Variants in GNAI3 observed in about 807,000 individuals in gnomAD.
GNAI3 encodes the protein G protein subunit alpha i3.
In GNAI3, 12 loss-of-function variants were observed where a neutral mutation model predicts 41.8. The observed-to-expected ratio is 0.29, with a 90% confidence interval of 0.18 to 0.47. GNAI3 has a LOEUF of 0.47. Among genes scored for constraint, GNAI3 ranks in the 20% least tolerant of loss-of-function variants. The pLI is 1.00. For missense variants in GNAI3, 360 were observed against 429.6 expected (o/e 0.84, Z 1.43); for synonymous variants, 132 against 146.5 (o/e 0.90, Z 0.71).
intron 1 of GNAI3, among the ~76,000 whole-genome samples, chr1:109,561,441 A>G (rs1281730152): frequency 6.6e-6 from 1 of 152,174 alleles, no homozygotes; most frequent in African/African-American, 2.4e-5. Flanking sequence ...TGTTAACTAA[A>G]CTTCACATTT....
chr1:109,588,661 G>A (rs555765923), intron 7 of GNAI3, among the ~76,000 whole-genome samples: 7 of 152,302 alleles, frequency 4.6e-5, no homozygotes, highest in East Asian at 3.9e-4. Context: ...TTGGGAGGCC[G>A]TGGCAGGTGG....
intron 3 of GNAI3, among the ~76,000 whole-genome samples, chr1:109,575,530 ATTTCTTTT>A (rs1648716180): frequency 1.5e-5 from 1 of 65,042 alleles, no homozygotes; most frequent in East Asian, 3.9e-4. Context: ...CTACCCTTTC[ATTTCTTTT>A]TTTTTTTTTT....
chr1:109,570,267 GA>G (rs1322204743), intron 1 of GNAI3, among the ~76,000 whole-genome samples: 3 of 152,170 alleles, frequency 2.0e-5, no homozygotes, highest in Admixed American at 2.0e-4. Flanking sequence ...TAGTTGTCTA[GA>G]ATTTTTATAT....
chr1:109,561,386 A>G (rs528288765), intron 1 of GNAI3, among the ~76,000 whole-genome samples: 2 of 152,314 alleles, frequency 1.3e-5, no homozygotes, highest in South Asian at 2.1e-4. Flanking sequence ...TTACATAGCT[A>G]TGGTACCTTT....
intron 4 of GNAI3, among the ~76,000 whole-genome samples, chr1:109,582,054 G>A (rs1648902632): frequency 6.6e-6 from 1 of 151,958 alleles, no homozygotes; most frequent in South Asian, 2.1e-4. Context: ...GTGTACAGTG[G>A]CACTCTGCAG....
chr1:109,591,482 T>G (rs1649169519), intron 7 of GNAI3: 1 of 1,036,416 alleles, frequency 9.6e-7, no homozygotes, highest in Non-Finnish European at 1.5e-6. Context: ...GGAGACACTT[T>G]GTAGCAGAGT....
At chr1:109,568,952 A>G (rs935014081) in intron 1 of GNAI3, among the ~76,000 whole-genome samples, 5 of 152,164 alleles carry the variant, frequency 3.3e-5, no homozygotes, top group African/African-American at 1.2e-4. Flanking sequence ...TTGGCCTCCC[A>G]GAGTGATGGG....
Position 109,592,245 on chromosome 1 carries a change from G to C in GNAI3, c.*12G>C, listed in dbSNP as rs1157001196. The C allele has an allele frequency of 1.3e-6, 2 of 1,567,506 alleles. No homozygotes were observed. On this transcript the variant is annotated 3_prime_UTR_variant, in exon 8 of 9. Transcript: ENST00000369851. ...GTGGACTTTATTGAGAAGCATGGATGTTAGTGAAAGGTAAAGTTTCATACA... is the reference window on the plus strand; with the variant it reads ...GTGGACTTTATTGAGAAGCATGGATCTTAGTGAAAGGTAAAGTTTCATACA...
chr1:109,585,991 G>A (rs1005942248), intron 5 of GNAI3, among the ~76,000 whole-genome samples: 1 of 152,134 alleles, frequency 6.6e-6, no homozygotes, highest in Non-Finnish European at 1.5e-5. Flanking sequence ...AAGAGGCTCA[G>A]CTATCTAAAA....
rs1008100817 is a variant in GNAI3, at chr1:109,597,941, G to T, written c.*5619G>T. On this transcript the variant is annotated 3_prime_UTR_variant, in exon 9 of 9. Coordinates refer to ENST00000369851, the MANE Select transcript of GNAI3 (RefSeq NM_006496.4). Reference sequence around the variant, plus strand: ...GAGTCACATGTAAAAGCCTTTGTATGCCCAGTGCTAGTGTTTTCCTGAAAT... The same window carrying T: ...GAGTCACATGTAAAAGCCTTTGTATTCCCAGTGCTAGTGTTTTCCTGAAAT... 1.3e-5 allele frequency: 2 copies of T among 152,220 alleles called. No homozygotes were observed. The highest frequency in any genetic ancestry group is 4.8e-5 in the African/African-American group (2 of 41,460). 9.4% of individuals were successfully genotyped at this position (152,220 alleles called of 1,614,324 possible).
chr1:109,560,039 C>T (rs1571148930), intron 1 of GNAI3, among the ~76,000 whole-genome samples: 1 of 152,072 alleles, frequency 6.6e-6, no homozygotes, highest in Non-Finnish European at 1.5e-5. Flanking sequence ...TGACTTATAC[C>T]TGAATAGTGG....
chr1:109,557,584 G>A lies in GNAI3; in HGVS notation c.118+8746G>A, dbSNP rs114342229. Among the ~76,000 whole-genome samples the A allele has an allele frequency of 6.0e-3, 907 of 152,314 alleles. 6 individuals are homozygous for A. The highest frequency in any genetic ancestry group is 8.8e-3 in the Non-Finnish European group (602 of 68,026). ...GAAATGAAATACAGGTAGGTTGTAT[G>A]TACATGGACTGTGATACCCAACCCC... On this transcript the variant is annotated intron_variant, in intron 1 of 8. Coordinates refer to ENST00000369851, the MANE Select transcript of GNAI3 (RefSeq NM_006496.4).
chr1:109,583,396 G>A (rs1387446020), intron 5 of GNAI3, among the ~76,000 whole-genome samples: 1 of 151,892 alleles, frequency 6.6e-6, no homozygotes, highest in Non-Finnish European at 1.5e-5. Flanking sequence ...AAAATTTTAT[G>A]TAGAGACAGG....
rs1468077858 is a variant in GNAI3, at chr1:109,596,984, T to C, written c.*4662T>C. On this transcript the variant is annotated 3_prime_UTR_variant, in exon 9 of 9. Transcript: ENST00000369851. ...CAGAAGTGTTTGAGAGTTCAGATTT[T>C]TGTGAGGTTTTGAAATATTTGCATT... 6.6e-6 allele frequency: 1 copy of C among 152,170 alleles called. No homozygotes were observed. Among genetic ancestry groups the C allele is most frequent in the Non-Finnish European group, 1.5e-5 (1 of 68,026 alleles). The allele number at this position is 152,170 out of a possible 1,614,324, so 9.4% of individuals were successfully genotyped here. A position where few individuals can be genotyped will look rare whatever the true frequency, so the allele number is the denominator to read the frequency against.
chr1:109,579,095 C>A, intron 3 of GNAI3, 109 bp from the exon 4 acceptor site: 1 of 857,678 alleles, frequency 1.2e-6, no homozygotes, highest in Non-Finnish European at 1.8e-6. Flanking sequence ...GTCTCTGTAA[C>A]AACACCTCTT....
chr1:109,598,853 T>G lies in GNAI3; in HGVS notation c.*6531T>G. On this transcript the variant is annotated 3_prime_UTR_variant, in exon 9 of 9. Transcript: ENST00000369851. The stretch of plus-strand genomic sequence containing the variant: ...GAGGCTCTGTCACACTTGCAGTCCC[T>G]GGCCCAACACCGAAATCCTTCTGGA... 1 of 533,400 alleles carries G rather than the reference T, an allele frequency of 1.9e-6. No individual in the cohort carries two copies. Among genetic ancestry groups the G allele is most frequent in the South Asian group, 1.4e-5 (1 of 71,546 alleles). The allele number at this position is 533,400 out of a possible 1,614,324, so 33.0% of individuals were successfully genotyped here. A position where few individuals can be genotyped will look rare whatever the true frequency, so the allele number is the denominator to read the frequency against.
chr1:109,582,071 CCT>C (rs1200598699), intron 4 of GNAI3, among the ~76,000 whole-genome samples: 3 of 152,060 alleles, frequency 2.0e-5, no homozygotes, highest in Non-Finnish European at 4.4e-5. Context: ...GCAGCCTTGA[CCT>C]CTTGGGTTCA....
rs1649240881 is a variant in GNAI3 at position 109,594,301 on chromosome 1, A to C, written c.*1979A>C. 6.6e-6 allele frequency: 1 copy of C among 151,176 alleles called. No individual in the cohort carries two copies. The highest frequency in any genetic ancestry group is 2.4e-5 in the African/African-American group (1 of 40,952). The allele number at this position is 151,176 out of a possible 1,614,324, so 9.4% of individuals were successfully genotyped here. On this transcript the variant is annotated 3_prime_UTR_variant, in exon 9 of 9. Coordinates refer to ENST00000369851, the MANE Select transcript of GNAI3 (RefSeq NM_006496.4). ...AGTCTTTCTATACTGTGGACTAATGAAATGGTGTTGTTGATAATCTAAAAT... is the reference window on the plus strand; with the variant it reads ...AGTCTTTCTATACTGTGGACTAATGCAATGGTGTTGTTGATAATCTAAAAT...
chr1:109,586,942 T>C (rs28486969), intron 7 of GNAI3, 60 bp downstream of exon 7: 2 of 1,182,914 alleles, frequency 1.7e-6, no homozygotes, highest in Non-Finnish European at 2.5e-6. Flanking sequence ...AACACTTTGG[T>C]GGCATTCATA....
Sources: allele counts gnomAD v4.1 joint callset (sites outside exome capture counted in the v4.1 genomes callset), GRCh38; gene constraint gnomAD v4.1.1; transcripts MANE v1.5; gene names NCBI Gene and HGNC (gene_info 2026-07-23, HGNC 2026-07-21).